The following PTPRN2 variants were observed in gnomAD, a reference collection of about 807,000 sequenced individuals.
PTPRN2 encodes the protein receptor-type tyrosine-protein phosphatase N2.
PTPRN2 carries 74 observed loss-of-function variants against 118.8 expected under a neutral mutation model. That is an observed-to-expected ratio of 0.62 (90% CI 0.52 to 0.76). The LOEUF (loss-of-function observed/expected upper bound fraction) is 0.76. Ranked by LOEUF, PTPRN2 falls within the 30% of genes least tolerant of loss-of-function variation. PTPRN2 has a pLI of 0.00. For synonymous variants in PTPRN2, 641 were observed against 608.0 expected (o/e 1.05, Z -0.80); for missense variants, 1,481 against 1,394.4 (o/e 1.06, Z -0.99).
intron 2 of PTPRN2, among the ~76,000 whole-genome samples, chr7:158,449,005 C>A (rs1427333005): frequency 6.6e-6 from 1 of 152,182 alleles, no homozygotes; most frequent in Non-Finnish European, 1.5e-5. Flanking sequence ...CATGAAGGGC[C>A]GTGACAGGCA....
At position 158,544,124 on chromosome 7, in the gene PTPRN2, C is replaced by T. The variant is rs1217476937; in HGVS notation, c.112+43434G>A. On this transcript the variant is annotated intron_variant, in intron 1 of 22. Transcript: ENST00000389418. This position sits in a 1 kb window ranked among gnomAD's most constrained non-coding sequence, Gnocchi z 4.2. ...CACCCGGTGGAGGGGGATATGTACA[C>T]CCGCCTGGGAGGGGCCAGAACCCAG... is the stretch of plus-strand genomic sequence containing the variant. Among the ~76,000 whole-genome samples the T allele has an allele frequency of 6.6e-6, 1 of 152,122 alleles. No homozygotes were observed. The highest frequency in any genetic ancestry group is 2.4e-5 in the African/African-American group (1 of 41,414).
intron 2 of PTPRN2, among the ~76,000 whole-genome samples, chr7:158,392,649 T>C (rs1056768383): frequency 1.3e-5 from 2 of 151,996 alleles, no homozygotes; most frequent in African/African-American, 2.4e-5. Flanking sequence ...AGAAACACAT[T>C]GTAGATCAAT....
At chr7:157,968,809 G>A (rs980668270) in intron 11 of PTPRN2, among the ~76,000 whole-genome samples, 1 of 152,130 alleles carries the variant, frequency 6.6e-6, no homozygotes, top group Admixed American at 6.5e-5. Context: ...TGAAAAAAAA[G>A]AGTGAGAGAA....
At position 157,843,991 on chromosome 7, in the gene PTPRN2, G is replaced by A. The variant is rs139727061; in HGVS notation, c.1788+54682C>T. Among the ~76,000 whole-genome samples the A allele has an allele frequency of 2.7e-3, 416 of 152,332 alleles. 2 individuals carry two copies. Among genetic ancestry groups the A allele is most frequent in the African/African-American group, 9.6e-3 (400 of 41,590 alleles). On this transcript the variant is annotated intron_variant, in intron 12 of 22. Coordinates refer to ENST00000389418, the MANE Select transcript of PTPRN2 (RefSeq NM_002847.5). The stretch of plus-strand genomic sequence containing the variant: ...GAGCTCTTCCACGGAGAGGAAAGGT[G>A]CAGAGAAAGACTCTGACCCCCTGCA...
chr7:158,480,229 C>T (rs1363810398), intron 2 of PTPRN2, among the ~76,000 whole-genome samples: 3 of 152,212 alleles, frequency 2.0e-5, no homozygotes, highest in Admixed American at 6.5e-5. Flanking sequence ...TGTCTCTGTG[C>T]TACCTTTTGG....
At chr7:158,168,654 T>A (rs1313811105) in intron 5 of PTPRN2, among the ~76,000 whole-genome samples, 1 of 152,222 alleles carries the variant, frequency 6.6e-6, no homozygotes, top group Non-Finnish European at 1.5e-5. Flanking sequence ...CCAGGGTCTC[T>A]TGTTCGATAA....
At chr7:158,040,629 G>C (rs1808392474) in intron 11 of PTPRN2, among the ~76,000 whole-genome samples, 1 of 152,032 alleles carries the variant, frequency 6.6e-6, no homozygotes, top group African/African-American at 2.4e-5. Flanking sequence ...AAAATTCTAT[G>C]TCCAGTGAAA....
rs964705699 is a variant in PTPRN2 at position 158,504,402 on chromosome 7, T to C, written c.113-14617A>G. 2.0e-5 allele frequency among the ~76,000 whole-genome samples: 3 copies of C among 152,088 alleles called. No individual in the cohort carries two copies. In the East Asian group the frequency reaches 5.8e-4, roughly 29 times the overall value. ...GTGTCGTTCCCCCCCCATGTGTCCA[T>C]GTGCTCCCGTCATTCAGCTCCCACT... On this transcript the variant is annotated intron_variant, in intron 1 of 22. Coordinates refer to ENST00000389418, the MANE Select transcript of PTPRN2 (RefSeq NM_002847.5).
chr7:158,307,448 C>T (rs1349964542), intron 3 of PTPRN2, among the ~76,000 whole-genome samples: 1 of 151,816 alleles, frequency 6.6e-6, no homozygotes, highest in Non-Finnish European at 1.5e-5. Context: ...AGAGACCATC[C>T]AATGTACTGA....
intron 1 of PTPRN2, among the ~76,000 whole-genome samples, chr7:158,523,528 A>G (rs769387611): frequency 0.21 from 8,745 of 42,548 alleles, 1,564 homozygotes; most frequent in South Asian, 0.36. Context: ...GCCCTGGAGC[A>G]GAGTCTGCCC....
intron 3 of PTPRN2, among the ~76,000 whole-genome samples, chr7:158,233,090 AG>A (rs534372476): frequency 7.2e-5 from 11 of 152,210 alleles, no homozygotes; most frequent in Non-Finnish European, 1.6e-4. Flanking sequence ...ATTAGGCAAG[AG>A]AAAGAAATAC....
intron 3 of PTPRN2, among the ~76,000 whole-genome samples, chr7:158,305,316 G>A (rs949347994): frequency 6.6e-6 from 1 of 151,934 alleles, no homozygotes; most frequent in Non-Finnish European, 1.5e-5. Context: ...TTTTTAACAA[G>A]GAAAGGACAA....
intron 6 of PTPRN2, among the ~76,000 whole-genome samples, chr7:158,150,122 C>G (rs1484718783): frequency 6.6e-6 from 1 of 152,154 alleles, no homozygotes; most frequent in Non-Finnish European, 1.5e-5. Context: ...CTGCTGAGCT[C>G]TGAAGCTTGG....
chr7:157,754,190 G>T, intron 12 of PTPRN2, among the ~76,000 whole-genome samples: 1 of 152,252 alleles, frequency 6.6e-6, no homozygotes, highest in East Asian at 1.9e-4. Flanking sequence ...AGCCTGTGGG[G>T]CCTGAGTCCT....
chr7:158,586,976 G>C (rs1828970627), intron 1 of PTPRN2, among the ~76,000 whole-genome samples: 2 of 152,124 alleles, frequency 1.3e-5, no homozygotes, highest in Admixed American at 1.3e-4. Context: ...ACTGAGGCAG[G>C]GGCGCGAGAC....
At chr7:157,722,449 A>G (rs1251995419) in intron 12 of PTPRN2, among the ~76,000 whole-genome samples, 1 of 151,994 alleles carries the variant, frequency 6.6e-6, no homozygotes, top group African/African-American at 2.4e-5. Flanking sequence ...CCCAGCGCCC[A>G]TGTCGGTGCA....
At chr7:158,567,727 G>A (rs930871284) in intron 1 of PTPRN2, among the ~76,000 whole-genome samples, 3 of 152,174 alleles carry the variant, frequency 2.0e-5, no homozygotes, top group Non-Finnish European at 2.9e-5. Flanking sequence ...CTCTGCAAGG[G>A]GAGAGAACAT....
chr7:158,317,882 G>A (rs536923525), intron 2 of PTPRN2, among the ~76,000 whole-genome samples: 13 of 152,196 alleles, frequency 8.5e-5, no homozygotes, highest in Admixed American at 7.8e-4. Flanking sequence ...TGCTCACGAC[G>A]ACGGGGCCGG....
intron 2 of PTPRN2, among the ~76,000 whole-genome samples, chr7:158,352,175 C>G (rs188055614): frequency 0.011 from 28 of 2,480 alleles, 5 homozygotes; most frequent in East Asian, 0.015. Flanking sequence ...CTGACCGCTC[C>G]CCTCCTGTCC....
Sources: allele counts gnomAD v4.1 joint callset (sites outside exome capture counted in the v4.1 genomes callset), GRCh38; gene constraint gnomAD v4.1.1; non-coding constraint Gnocchi (gnomAD v3.1); transcripts MANE v1.5; gene names NCBI Gene and HGNC (gene_info 2026-07-23, HGNC 2026-07-21).